Variants in DRC3 observed in about 807,000 individuals in gnomAD.
DRC3 encodes the protein dynein regulatory complex subunit 3, also known as leucine rich repeat containing 48.
A neutral mutation model predicts 57.6 loss-of-function variants in DRC3; 45 were observed. That is an observed-to-expected ratio of 0.78 (90% confidence interval 0.62 to 1.00). DRC3 has a LOEUF of 1.00. Ranked by LOEUF, DRC3 falls within the 50% of genes least tolerant of loss-of-function variation. The pLI is 0.00. For synonymous variants in DRC3, 257 were observed against 272.3 expected (o/e 0.94, Z 0.55); for missense variants, 655 against 675.2 (o/e 0.97, Z 0.33).
chr17:18,002,083 G>A (rs755933821), intron 9 of DRC3, among the ~76,000 whole-genome samples: 5 of 151,920 alleles, frequency 3.3e-5, no homozygotes, highest in African/African-American at 4.8e-5. Flanking sequence ...CGAGAGAATC[G>A]CTGGAAACTG....
chr17:17,989,925 G>A (rs1490394903), intron 5 of DRC3, among the ~76,000 whole-genome samples: 2 of 152,178 alleles, frequency 1.3e-5, no homozygotes, highest in Admixed American at 6.5e-5. Context: ...GAGCCCCTGC[G>A]GCAAACAACA....
intron 8 of DRC3, among the ~76,000 whole-genome samples, chr17:17,995,357 G>A (rs897273539): frequency 6.6e-6 from 1 of 152,248 alleles, no homozygotes; most frequent in African/African-American, 2.4e-5. Flanking sequence ...GGCTGGCCAT[G>A]TTTGGCAAGC....
rs1379680620 is a variant in DRC3 at position 18,006,065 on chromosome 17, G to A, written c.1132-118G>A. On this transcript the variant is annotated intron_variant, in intron 10 of 13. Transcript: ENST00000399187. The stretch of plus-strand genomic sequence containing the variant: ...TCTGCTCAGGAGGGTCAAGATGGGT[G>A]GTCTTTATGCTGAAGGTCTGTGATT... 1.1e-5 allele frequency: 8 copies of A among 718,342 alleles called. No homozygotes were observed. In the East Asian group the frequency reaches 2.2e-4, roughly 19 times the overall value. The allele number at this position is 718,342 out of a possible 1,614,324, so 44.5% of individuals were successfully genotyped here.
At chr17:18,006,857 A>G (rs2043971345) in intron 11 of DRC3, 167 bp from the exon 12 acceptor site, 1 of 1,004,324 alleles carries the variant, frequency 1.0e-6, no homozygotes, top group South Asian at 1.6e-5. Flanking sequence ...GGGCAGGGGC[A>G]GGGAGTCGAG....
chr17:17,979,877 C>G (rs1432348433), intron 3 of DRC3, among the ~76,000 whole-genome samples: 1 of 151,798 alleles, frequency 6.6e-6, no homozygotes, highest in Non-Finnish European at 1.5e-5. Flanking sequence ...AGCTGAAGAA[C>G]AGGCACCAGT....
intron 3 of DRC3, 186 bp downstream of exon 3, chr17:17,977,944 T>C (rs1302242072): frequency 1.9e-6 from 1 of 533,206 alleles, no homozygotes. Context: ...ACTTAGTGTC[T>C]TCATCATTTG....
intron 2 of DRC3, among the ~76,000 whole-genome samples, chr17:17,976,667 C>CT (rs1423146077): frequency 6.6e-6 from 1 of 152,042 alleles, no homozygotes. Context: ...GAGCGAGACT[C>CT]TGTCTCAAAA....
chr17:17,976,911 C>G (rs183844442), intron 2 of DRC3, among the ~76,000 whole-genome samples: 11 of 151,976 alleles, frequency 7.2e-5, no homozygotes, highest in Admixed American at 1.3e-4. Context: ...CCTCCTCCCC[C>G]TCTTGCTCTC....
At position 17,992,756 on chromosome 17, in the gene DRC3, T is replaced by C. The variant is rs1396122382; in HGVS notation, c.445-9T>C. ...AAGAAAATGGGCCTTTCTCCCTTTT[T>C]CTCCCCAGATCATCTACCTCCGGCG... On this transcript the variant is annotated splice_polypyrimidine_tract_variant and intron_variant, in intron 5 of 13. Transcript: ENST00000399187. 5 of 1,612,222 alleles carry C rather than the reference T, an allele frequency of 3.1e-6. No individual in the cohort carries two copies. Among genetic ancestry groups the C allele is most frequent in the Non-Finnish European group, 4.2e-6 (5 of 1,178,992 alleles).
At chr17:18,004,852 G>T in intron 10 of DRC3, 1 of 208,174 alleles carries the variant, frequency 4.8e-6, no homozygotes, top group Non-Finnish European at 9.7e-6. Flanking sequence ...ATTGCAGCCT[G>T]CAGTTGCCGC....
At position 17,980,284 on chromosome 17, in the gene DRC3, TG is replaced by T. The variant is rs1206054658; in HGVS notation, c.160+2527del. On this transcript the variant is annotated intron_variant, in intron 3 of 13. Coordinates refer to ENST00000399187, the MANE Select transcript of DRC3 (RefSeq NM_031294.4). ...TTTGTTTGTTTTGTTTTATTGTTGTTGTTTTTTTTTTTGTAGAGACGGAGTC... is the reference window on the plus strand; with the variant it reads ...TTTGTTTGTTTTGTTTTATTGTTGTTTTTTTTTTTTTGTAGAGACGGAGTC... Among the ~76,000 whole-genome samples the T allele has an allele frequency of 5.5e-3, 790 of 143,930 alleles. 5 individuals are homozygous for T. The highest frequency in any genetic ancestry group is 0.039 in the East Asian group (147 of 3,754). The allele number at this position is 143,930 out of a possible 152,430, so 94.4% of individuals were successfully genotyped here.
chr17:17,983,701 C>T (rs1402847535), intron 3 of DRC3, 127 bp from the exon 4 acceptor site: 3 of 635,900 alleles, frequency 4.7e-6, no homozygotes, highest in Non-Finnish European at 8.3e-6. Flanking sequence ...TCCAGGGTGC[C>T]TGCGTACTCC....
chr17:18,012,290 GA>G (rs1444471812), intron 12 of DRC3, among the ~76,000 whole-genome samples: 1 of 152,100 alleles, frequency 6.6e-6, no homozygotes, highest in Non-Finnish European at 1.5e-5. Context: ...ATTTTGCTGG[GA>G]AAACTGGATA....
At chr17:17,994,923 C>A in intron 7 of DRC3, 76 bp from the exon 8 acceptor site, 1 of 961,582 alleles carries the variant, frequency 1.0e-6, no homozygotes, top group Non-Finnish European at 1.7e-6. Context: ...CCTGACCTGC[C>A]TTCCTCATGG....
At chr17:18,013,370 G>T (rs79254839) in intron 12 of DRC3, among the ~76,000 whole-genome samples, 1 of 152,024 alleles carries the variant, frequency 6.6e-6, no homozygotes, top group Non-Finnish European at 1.5e-5. Context: ...AGCACTGTTC[G>T]CAATAACAAG....
intron 12 of DRC3, chr17:18,015,508 GAC>G (rs2044326465): frequency 6.5e-6 from 1 of 152,916 alleles, no homozygotes; most frequent in Admixed American, 6.5e-5. Context: ...CTTTTTACAA[GAC>G]AGCAAAGTCA....
chr17:17,993,913 A>G lies in DRC3; in HGVS notation c.592-386A>G, dbSNP rs529008709. ...TCTGTCCTGTTGTCCTCCTTCCCTA[A>G]AAGAGGGCCAGAAGGCCTGCTGAGG... On this transcript the variant is annotated intron_variant, in intron 6 of 13. Coordinates refer to ENST00000399187, the MANE Select transcript of DRC3 (RefSeq NM_031294.4). The G allele has an allele frequency of 8.4e-6, 2 of 237,722 alleles. 1 individual carries two copies. Among genetic ancestry groups the G allele is most frequent in the South Asian group, 1.0e-4 (2 of 19,604 alleles). The allele number at this position is 237,722 out of a possible 1,614,324, so 14.7% of individuals were successfully genotyped here. A position where few individuals can be genotyped will look rare whatever the true frequency, so the allele number is the denominator to read the frequency against.
intron 12 of DRC3, among the ~76,000 whole-genome samples, chr17:18,012,949 C>CT (rs2044219359): frequency 6.6e-6 from 1 of 152,102 alleles, no homozygotes; most frequent in Non-Finnish European, 1.5e-5. Flanking sequence ...ACAATGAACT[C>CT]TAACATCTCA....
intron 11 of DRC3, chr17:18,006,801 G>A (rs2043968732): frequency 1.7e-6 from 1 of 577,338 alleles, no homozygotes. Flanking sequence ...ATGCAGGAGG[G>A]AGAGAAGAGT....
Sources: gnomAD v4.1 joint callset for allele counts (sites outside exome capture counted in the v4.1 genomes callset) on GRCh38, gnomAD v4.1.1 for gene constraint, MANE v1.5 for transcripts, NCBI Gene and HGNC (gene_info 2026-07-23, HGNC 2026-07-21) for gene names.